Variants in NDUFAF6 observed in about 807,000 individuals in gnomAD.
NDUFAF6 encodes NADH dehydrogenase (ubiquinone) complex I, assembly factor 6.
In NDUFAF6, 45 loss-of-function variants were observed where a neutral mutation model predicts 40.8. The ratio of observed to expected loss-of-function variants is 1.10; its 90% confidence interval spans 0.87 to 1.42. The LOEUF (loss-of-function observed/expected upper bound fraction) is 1.42. Ranked by LOEUF, NDUFAF6 falls within the 40% of genes most tolerant of loss-of-function variation. The pLI is 0.00. For synonymous variants in NDUFAF6, 185 were observed against 155.9 expected, an observed-to-expected ratio of 1.19 and a Z score of -1.39; for missense variants, 435 against 418.5, an observed-to-expected ratio of 1.04 and a Z score of -0.34.
intron 2 of NDUFAF6, among the ~76,000 whole-genome samples, chr8:94,987,007 C>T (rs1825944399): frequency 6.6e-6 from 1 of 152,116 alleles, no homozygotes; most frequent in African/African-American, 2.4e-5. Flanking sequence ...ATGATGCTAA[C>T]ATTGGTGTAT....
At chr8:95,084,770 T>C (rs139373874) in intron 2 of NDUFAF6, among the ~76,000 whole-genome samples, 457 of 152,352 alleles carry the variant, frequency 3.0e-3, no homozygotes, top group African/African-American at 1.0e-2. Context: ...GGTTCCTGTC[T>C]GTACCAAAAC....
intron 3 of NDUFAF6, chr8:95,036,211 CCA>C: frequency 9.5e-7 from 1 of 1,055,688 alleles, no homozygotes; most frequent in Non-Finnish European, 1.2e-6. Flanking sequence ...TCATAAGCAG[CCA>C]CACATGGCTT....
chr8:95,056,842 G>A (rs1033745617), intron 8 of NDUFAF6, among the ~76,000 whole-genome samples: 5 of 150,154 alleles, frequency 3.3e-5, no homozygotes, highest in African/African-American at 1.2e-4. Flanking sequence ...GGAGGCGGAG[G>A]TTGCAGTGAG....
At chr8:94,991,015 C>T (rs955652788) in intron 2 of NDUFAF6, among the ~76,000 whole-genome samples, 17 of 152,286 alleles carry the variant, frequency 1.1e-4, no homozygotes, top group Non-Finnish European at 1.9e-4. Flanking sequence ...CTTACTTGGA[C>T]ATCATGTCCT....
At chr8:94,959,046 T>G (rs1051871894) in intron 1 of NDUFAF6, among the ~76,000 whole-genome samples, 1 of 148,906 alleles carries the variant, frequency 6.7e-6, no homozygotes, top group Non-Finnish European at 1.5e-5. Flanking sequence ...AAGAATGATA[T>G]GGCAGAGAAG....
At chr8:94,914,052 AGAGTTGGGATTACAGGCGTGAGC>A (rs1818959156) in intron 1 of NDUFAF6, among the ~76,000 whole-genome samples, 2 of 148,058 alleles carry the variant, frequency 1.4e-5, no homozygotes, top group Non-Finnish European at 3.0e-5. Context: ...TTGGCCTCCT[AGAGTTGGGATTACAGGCGTGAGC>A]CACCGCGCCC....
chr8:94,924,250 CG>C (rs991207905), intron 1 of NDUFAF6, among the ~76,000 whole-genome samples: 28 of 151,914 alleles, frequency 1.8e-4, no homozygotes. Flanking sequence ...TTAGTAGAGA[CG>C]GGGTTTCACT....
At chr8:95,066,557 A>G (rs1248880298) in intron 9 of NDUFAF6, among the ~76,000 whole-genome samples, 1 of 152,124 alleles carries the variant, frequency 6.6e-6, no homozygotes, top group East Asian at 1.9e-4. Context: ...ATCATTGTCT[A>G]AAGTGGGGTA....
downstream of NDUFAF6, among the ~76,000 whole-genome samples, chr8:95,117,139 G>T (rs951637501): frequency 6.6e-6 from 1 of 152,222 alleles, no homozygotes; most frequent in African/African-American, 2.4e-5. Flanking sequence ...CACTGGAGTT[G>T]CGGGGGAATT....
chr8:94,924,000 T>C (rs1819683067), intron 1 of NDUFAF6, among the ~76,000 whole-genome samples: 1 of 152,012 alleles, frequency 6.6e-6, no homozygotes. Flanking sequence ...AATTTTGCTT[T>C]TTTTCACTTG....
chr8:94,916,630 A>G (rs1819139152), intron 1 of NDUFAF6, among the ~76,000 whole-genome samples: 1 of 150,738 alleles, frequency 6.6e-6, no homozygotes, highest in Non-Finnish European at 1.5e-5. Context: ...CCTGGCCAAT[A>G]TGGCAAAACC....
chr8:94,984,252 A>G (rs1404360917), intron 2 of NDUFAF6: 2 of 152,226 alleles, frequency 1.3e-5, no homozygotes, highest in African/African-American at 4.8e-5. Context: ...GCTAATTTTG[A>G]GAAGCAGTTT....
chr8:95,116,654 C>T (rs1454984477), downstream of NDUFAF6, among the ~76,000 whole-genome samples: 1 of 152,104 alleles, frequency 6.6e-6, no homozygotes, highest in Non-Finnish European at 1.5e-5. Flanking sequence ...CCCAGCCTAA[C>T]CACATTGAAG....
chr8:94,978,420 T>C (rs1413490239), intron 1 of NDUFAF6, among the ~76,000 whole-genome samples: 1 of 152,104 alleles, frequency 6.6e-6, no homozygotes, highest in Admixed American at 6.6e-5. Flanking sequence ...TCCTTTATAA[T>C]AAGCTGGTAA....
At chr8:95,070,312 TGTAAA>T (rs932632216) in intron 9 of NDUFAF6, among the ~76,000 whole-genome samples, 2 of 152,242 alleles carry the variant, frequency 1.3e-5, no homozygotes, top group Non-Finnish European at 2.9e-5. Flanking sequence ...AGTTAATAAT[TGTAAA>T]GTGCCGAAAA....
chr8:95,033,821 G>A (rs1451786672), intron 2 of NDUFAF6, among the ~76,000 whole-genome samples: 8 of 152,166 alleles, frequency 5.3e-5, no homozygotes, highest in Non-Finnish European at 1.0e-4. Flanking sequence ...CCTGCTTAAA[G>A]AACAGAAGAA....
At chr8:95,054,751 G>T (rs1831914936) in intron 8 of NDUFAF6, among the ~76,000 whole-genome samples, 1 of 152,108 alleles carries the variant, frequency 6.6e-6, no homozygotes, top group African/African-American at 2.4e-5. Flanking sequence ...CTCAGTTTCT[G>T]TCCTGTGCCA....
intron 2 of NDUFAF6, chr8:94,988,520 T>C (rs934361129): frequency 2.8e-4 from 42 of 152,232 alleles, no homozygotes; most frequent in Non-Finnish European, 4.6e-4. Flanking sequence ...CTTTTTTTTT[T>C]CCCTCAAAAG....
intron 1 of NDUFAF6, among the ~76,000 whole-genome samples, chr8:94,934,488 C>T (rs184555704): frequency 9.9e-5 from 15 of 151,836 alleles, no homozygotes; most frequent in Admixed American, 2.0e-4. Flanking sequence ...CGGGTTCAAG[C>T]AATTCTCCTG....
Sources: allele counts gnomAD v4.1 joint callset (sites outside exome capture counted in the v4.1 genomes callset), GRCh38; gene constraint gnomAD v4.1.1; transcripts MANE v1.5; gene names NCBI Gene and HGNC (gene_info 2026-07-23, HGNC 2026-07-21).